The following NEMP2 variants were observed in gnomAD, a reference collection of about 807,000 sequenced individuals.
The protein encoded by NEMP2 is nuclear envelope integral membrane protein 2, also known as UPF0571 transmembrane protein.
Under a neutral mutation model 54.2 loss-of-function variants are expected in NEMP2, and 53 were observed. The ratio of observed to expected loss-of-function variants is 0.98; its 90% CI spans 0.78 to 1.23. NEMP2 has a LOEUF of 1.23. Ranked by LOEUF, NEMP2 falls within the 50% of genes most tolerant of loss-of-function variation. NEMP2 has a pLI of 0.00. For synonymous variants in NEMP2, 197 were observed against 190.3 expected, an observed-to-expected ratio of 1.04 and a Z score of -0.29; for missense variants, 455 against 511.3, an observed-to-expected ratio of 0.89 and a Z score of 1.06.
At chr2:190,445,743 T>C in the NEMP2 span, among the ~76,000 whole-genome samples, 83 of 152,326 alleles carry the variant, frequency 5.4e-4, no homozygotes, top group East Asian at 0.016. Flanking sequence ...TGGAATTTTT[T>C]TAAAAAGTTA....
In NEMP2 at chr2:190,523,540, G is replaced by A. The variant is rs1207806344; in HGVS notation, c.213+1723C>T. 6.6e-6 allele frequency among the ~76,000 whole-genome samples: 1 copy of A among 152,164 alleles called. No individual in the cohort carries two copies. The highest frequency in any genetic ancestry group is 1.5e-5 in the Non-Finnish European group (1 of 68,034). On this transcript the variant is annotated intron_variant, in intron 2 of 8. Transcript: ENST00000409150. The surrounding 1 kb of genome is among the most constrained non-coding windows in gnomAD (Gnocchi z 5.3). ...GATGTATGTGCAGGCCTATGCGTGT[G>A]TATGTGTTTGTACACACATGATGAT... is the stretch of plus-strand genomic sequence containing the variant.
the NEMP2 span, among the ~76,000 whole-genome samples, chr2:190,482,071 T>C: frequency 1.4e-4 from 21 of 152,138 alleles, no homozygotes; most frequent in Non-Finnish European, 3.1e-4. Flanking sequence ...GAGGAAAGGA[T>C]AGCACGTGGG....
chr2:190,438,579 A>G, the NEMP2 span, among the ~76,000 whole-genome samples: 1 of 152,134 alleles, frequency 6.6e-6, no homozygotes, highest in Admixed American at 6.6e-5. The surrounding 1 kb of genome is among the most constrained non-coding windows in gnomAD (Gnocchi z 5.2). Context: ...TCTCACCATT[A>G]ATGTGCACCT....
At position 190,513,306 on chromosome 2, in the gene NEMP2, G is replaced by A. The variant is rs931902533; in HGVS notation, c.953+1147C>T. On this transcript the variant is annotated intron_variant, in intron 7 of 8. Transcript: ENST00000409150. This position sits in a 1 kb window ranked among gnomAD's most constrained non-coding sequence, Gnocchi z 5.3. ...CATTTCCAATTTTTCTAGAAAACCA[G>A]CAGATCTGGCAATACAGGACTCATA... 1.3e-5 allele frequency among the ~76,000 whole-genome samples: 2 copies of A among 152,158 alleles called. No homozygotes were observed. Among genetic ancestry groups the A allele is most frequent in the Non-Finnish European group, 1.5e-5 (1 of 68,028 alleles).
At chr2:190,565,884 C>CAGTG in the NEMP2 span, among the ~76,000 whole-genome samples, 1 of 152,208 alleles carries the variant, frequency 6.6e-6, no homozygotes, top group African/African-American at 2.4e-5. Flanking sequence ...GTACAAAGAA[C>CAGTG]AGTGAGACTT....
the NEMP2 span, among the ~76,000 whole-genome samples, chr2:190,619,129 C>A: frequency 3.3e-5 from 5 of 152,156 alleles, no homozygotes; most frequent in South Asian, 1.0e-3. This position sits in a 1 kb window ranked among gnomAD's most constrained non-coding sequence, Gnocchi z 5.5. Flanking sequence ...CCTATAATCC[C>A]AGTACTCGGG....
At chr2:190,497,985 T>C in the NEMP2 span, 1 of 314,386 alleles carries the variant, frequency 3.2e-6, no homozygotes, top group Admixed American at 4.5e-5. The surrounding 1 kb of genome is among the most constrained non-coding windows in gnomAD (Gnocchi z 5.2). Flanking sequence ...ATAAAATAAA[T>C]TAATCCATTC....
At chr2:190,591,595 T>C in the NEMP2 span, among the ~76,000 whole-genome samples, 3 of 152,188 alleles carry the variant, frequency 2.0e-5, no homozygotes, top group African/African-American at 7.2e-5. The surrounding 1 kb of genome is among the most constrained non-coding windows in gnomAD (Gnocchi z 5.4). Context: ...CTATAAAGCA[T>C]GACTTCCAAA....
At chr2:190,637,357 C>T in the NEMP2 span, among the ~76,000 whole-genome samples, 1 of 152,198 alleles carries the variant, frequency 6.6e-6, no homozygotes, top group Non-Finnish European at 1.5e-5. This position sits in a 1 kb window ranked among gnomAD's most constrained non-coding sequence, Gnocchi z 4.5. Flanking sequence ...CTGACACTCA[C>T]AGCTTGATTC....
rs1327243677 is a variant in NEMP2 at position 190,512,598 on chromosome 2, T to C, written c.953+1855A>G. On this transcript the variant is annotated intron_variant, in intron 7 of 8. Transcript: ENST00000409150. This position sits in a 1 kb window ranked among gnomAD's most constrained non-coding sequence, Gnocchi z 4.5. The stretch of plus-strand genomic sequence containing the variant: ...ACACAGCTAGTGCACAAAAGAACCA[T>C]TGTGCAGAACACACTCTGCTCTTGG... 3.3e-5 allele frequency among the ~76,000 whole-genome samples: 5 copies of C among 152,206 alleles called. No individual in the cohort carries two copies. The highest frequency in any genetic ancestry group is 6.5e-5 in the Admixed American group (1 of 15,290).
At chr2:190,595,377 T>C in the NEMP2 span, among the ~76,000 whole-genome samples, 1 of 152,076 alleles carries the variant, frequency 6.6e-6, no homozygotes, top group African/African-American at 2.4e-5. The surrounding 1 kb of genome is among the most constrained non-coding windows in gnomAD (Gnocchi z 4.0). Context: ...CTAAAAGCAA[T>C]GGCAACAAAA....
intron 2 of NEMP2, among the ~76,000 whole-genome samples, chr2:190,524,049 TAA>T (rs759446299): frequency 7.1e-5 from 9 of 126,408 alleles, no homozygotes; most frequent in Non-Finnish European, 6.9e-5. Context: ...CTAAAAATAC[TAA>T]AAAAAAAAAA....
Position 190,513,837 on chromosome 2 carries a change from T to G in NEMP2, c.953+616A>C, listed in dbSNP as rs1451177253. 6.6e-6 allele frequency among the ~76,000 whole-genome samples: 1 copy of G among 152,222 alleles called. No individual in the cohort carries two copies. Among genetic ancestry groups the G allele is most frequent in the South Asian group, 2.1e-4 (1 of 4,834 alleles). On this transcript the variant is annotated intron_variant, in intron 7 of 8. Transcript: ENST00000409150. This position sits in a 1 kb window ranked among gnomAD's most constrained non-coding sequence, Gnocchi z 5.3. ...AATACTTAAAAGAGATAGAAATGTATGCCTATGTCTAGCAAGTATACCTCA... is the reference window on the plus strand; with the variant it reads ...AATACTTAAAAGAGATAGAAATGTAGGCCTATGTCTAGCAAGTATACCTCA...
the NEMP2 span, among the ~76,000 whole-genome samples, chr2:190,439,605 C>T: frequency 6.6e-6 from 1 of 152,094 alleles, no homozygotes; most frequent in Admixed American, 6.5e-5. This position sits in a 1 kb window ranked among gnomAD's most constrained non-coding sequence, Gnocchi z 5.8. Flanking sequence ...GTGTTTCTTT[C>T]CTGTGTAGTA....
At chr2:190,443,507 T>G in the NEMP2 span, among the ~76,000 whole-genome samples, 5 of 152,216 alleles carry the variant, frequency 3.3e-5, no homozygotes, top group Admixed American at 2.0e-4. This position sits in a 1 kb window ranked among gnomAD's most constrained non-coding sequence, Gnocchi z 4.2. Flanking sequence ...CCATTGAAGT[T>G]GATAAAAATA....
the NEMP2 span, among the ~76,000 whole-genome samples, chr2:190,458,704 T>C: frequency 2.0e-5 from 3 of 152,258 alleles, no homozygotes; most frequent in Admixed American, 1.3e-4. The surrounding 1 kb of genome is among the most constrained non-coding windows in gnomAD (Gnocchi z 5.3). Flanking sequence ...ACTCTTTCAG[T>C]GAAAGTGGCA....
chr2:190,580,002 AAC>A, the NEMP2 span, among the ~76,000 whole-genome samples: 2 of 152,196 alleles, frequency 1.3e-5, no homozygotes, highest in African/African-American at 4.8e-5. The surrounding 1 kb of genome is among the most constrained non-coding windows in gnomAD (Gnocchi z 5.3). Context: ...AAGACTTCTC[AAC>A]AGTCTTGTTG....
Position 190,509,447 on chromosome 2 carries a change from T to A in NEMP2, c.1131-135A>T. On this transcript the variant is annotated intron_variant, in intron 8 of 8. Transcript: ENST00000409150. The surrounding 1 kb of genome is among the most constrained non-coding windows in gnomAD (Gnocchi z 6.1). ...TCAATACAGGGTGGCATTTACACAG[T>A]GGGTGTAAAAATGGGAATGGCTTAT... 2 of 976,492 alleles carry A rather than the reference T, an allele frequency of 2.0e-6. No individual in the cohort carries two copies. Among genetic ancestry groups the A allele is most frequent in the Non-Finnish European group, 3.0e-6 (2 of 658,568 alleles). The allele number at this position is 976,492 out of a possible 1,614,324, so 60.5% of individuals were successfully genotyped here. A position where few individuals can be genotyped will look rare whatever the true frequency, so the allele number is the denominator to read the frequency against.
the NEMP2 span, among the ~76,000 whole-genome samples, chr2:190,543,268 A>G: frequency 6.6e-6 from 1 of 152,242 alleles, no homozygotes; most frequent in Non-Finnish European, 1.5e-5. This position sits in a 1 kb window ranked among gnomAD's most constrained non-coding sequence, Gnocchi z 4.7. Flanking sequence ...CTCCGACAGC[A>G]CAGTGCTGAT....
Sources: allele counts gnomAD v4.1 joint callset (sites outside exome capture counted in the v4.1 genomes callset), GRCh38; gene constraint gnomAD v4.1.1; non-coding constraint Gnocchi (gnomAD v3.1); transcripts MANE v1.5; gene names NCBI Gene and HGNC (gene_info 2026-07-23, HGNC 2026-07-21).